The following MIA2 variants were observed in gnomAD, a reference collection of about 807,000 sequenced individuals.
The protein encoded by MIA2 is MIA SH3 domain ER export factor 2, also known as melanoma inhibitory activity protein 2.
In MIA2, 127 loss-of-function variants were observed where a neutral mutation model predicts 167.8. The observed-to-expected ratio is 0.76, with a 90% CI of 0.66 to 0.88. The LOEUF is 0.88. Ranked by LOEUF, MIA2 falls within the 40% of genes least tolerant of loss-of-function variation. The probability of loss-of-function intolerance (pLI) is 0.00; values close to 1 mark genes in which losing one functional copy is unlikely to be tolerated. For missense variants in MIA2, 1,690 were observed against 1,624.7 expected (o/e 1.04, Z -0.69); for synonymous variants, 552 against 541.9 (o/e 1.02, Z -0.26).
intron 25 of MIA2, among the ~76,000 whole-genome samples, chr14:39,336,967 T>C (rs1419102642): frequency 6.6e-6 from 1 of 152,132 alleles, no homozygotes; most frequent in Non-Finnish European, 1.5e-5. Flanking sequence ...TGTTACCCAG[T>C]CTGGTGTCAA....
intron 9 of MIA2, among the ~76,000 whole-genome samples, chr14:39,288,725 T>C (rs1436107381): frequency 6.6e-6 from 1 of 151,660 alleles, no homozygotes; most frequent in African/African-American, 2.4e-5. Context: ...CCTCCCAAAG[T>C]GCTGGGATTA....
intron 25 of MIA2, among the ~76,000 whole-genome samples, chr14:39,340,619 C>G (rs1163522150): frequency 6.6e-6 from 1 of 152,140 alleles, no homozygotes; most frequent in African/African-American, 2.4e-5. Context: ...TCATTTTGAT[C>G]TCTTTGATGA....
chr14:39,372,582 C>T (rs981139616), intron 23 of MIA2, among the ~76,000 whole-genome samples: 1 of 152,064 alleles, frequency 6.6e-6, no homozygotes, highest in Admixed American at 6.6e-5. Context: ...TTTTAAATAA[C>T]TTGAGGGTAT....
intron 23 of MIA2, chr14:39,385,341 G>T: frequency 1.2e-6 from 1 of 847,808 alleles, no homozygotes; most frequent in Non-Finnish European, 2.0e-6. Context: ...AAAAGTTCAG[G>T]TTATACTCAC....
At chr14:39,289,813 A>ATT (rs2060483256) in intron 9 of MIA2, among the ~76,000 whole-genome samples, 1 of 152,158 alleles carries the variant, frequency 6.6e-6, no homozygotes, top group Non-Finnish European at 1.5e-5. Flanking sequence ...AAAAGTTAAG[A>ATT]TAGCAGCAAG....
chr14:39,259,259 C>T (rs11621399), intron 6 of MIA2, among the ~76,000 whole-genome samples: 367 of 152,346 alleles, frequency 2.4e-3, no homozygotes, highest in Middle Eastern at 6.8e-3. Flanking sequence ...AAGCCCCTAA[C>T]TGGGGCTCTT....
intron 24 of MIA2, among the ~76,000 whole-genome samples, chr14:39,324,113 A>G (rs1166467183): frequency 6.6e-6 from 1 of 152,236 alleles, no homozygotes; most frequent in African/African-American, 2.4e-5. Context: ...AATTGTATGT[A>G]ACTGGGTTTG....
chr14:39,257,899 T>C (rs1354568044), intron 6 of MIA2, among the ~76,000 whole-genome samples: 3 of 152,350 alleles, frequency 2.0e-5, no homozygotes, highest in African/African-American at 7.2e-5. Context: ...TTTAAGAATG[T>C]TGAATATTGG....
At chr14:39,385,922 C>T (rs2075266269) in intron 23 of MIA2, 1 of 862,162 alleles carries the variant, frequency 1.2e-6, no homozygotes, top group East Asian at 2.4e-5. Context: ...CATCTTCTTC[C>T]TAAACTGGTG....
chr14:39,269,351 C>T (rs1350993965), intron 6 of MIA2, among the ~76,000 whole-genome samples: 4 of 151,818 alleles, frequency 2.6e-5, no homozygotes, highest in Admixed American at 6.6e-5. Flanking sequence ...AATTCCCACC[C>T]CTCATCCCTT....
chr14:39,330,418 A>G (rs2068572391), intron 25 of MIA2, among the ~76,000 whole-genome samples: 1 of 151,774 alleles, frequency 6.6e-6, no homozygotes, highest in Non-Finnish European at 1.5e-5. Context: ...TCAGAACACC[A>G]GCTCATGGAT....
At position 39,370,988 on chromosome 14, in the gene MIA2, CTT is replaced by C. The variant is rs2139321487; in HGVS notation, c.2249-15894_2249-15893del. 1.3e-5 allele frequency among the ~76,000 whole-genome samples: 2 copies of C among 152,270 alleles called. 1 individual carries two copies. Among genetic ancestry groups the C allele is most frequent in the South Asian group, 4.1e-4 (2 of 4,826 alleles). ...TTCCTTCAAACTTTTATTCAAGTAT[CTT>C]TTGAATTGTTGTAATTATGTGTGTC... On this transcript the variant is annotated intron_variant, in intron 23 of 23. Transcript: ENST00000341502.
intron 23 of MIA2, among the ~76,000 whole-genome samples, chr14:39,358,821 A>G (rs2074600921): frequency 6.6e-6 from 1 of 152,230 alleles, no homozygotes; most frequent in Non-Finnish European, 1.5e-5. Flanking sequence ...GGTCCACTCC[A>G]GACCCTGTTT....
intron 18 of MIA2, among the ~76,000 whole-genome samples, chr14:39,311,573 G>T (rs2064280631): frequency 6.9e-6 from 1 of 145,602 alleles, no homozygotes; most frequent in Non-Finnish European, 1.5e-5. Flanking sequence ...CGCCTCCCGG[G>T]TTCACGCCAT....
downstream of MIA2, among the ~76,000 whole-genome samples, chr14:39,354,209 C>T (rs1327585043): frequency 2.0e-5 from 3 of 152,222 alleles, no homozygotes; most frequent in African/African-American, 7.2e-5. Flanking sequence ...TGTTTCTCCA[C>T]AACCTTTCCA....
Position 39,382,645 on chromosome 14 carries a change from CAAGAT to C in MIA2, c.2249-4236_2249-4232del, listed in dbSNP as rs535219205. Among the ~76,000 whole-genome samples the C allele has an allele frequency of 1.9e-3, 289 of 152,310 alleles. 1 individual carries two copies. Among genetic ancestry groups the C allele is most frequent in the African/African-American group, 6.0e-3 (251 of 41,566 alleles). On this transcript the variant is annotated intron_variant, in intron 23 of 23. Transcript: ENST00000341502. ...GTGCTCAGTAATTCTGCGCTGTACA[CAAGAT>C]AAGGTGAACATAGAGTGGAGATATT...
At chr14:39,344,831 A>G (rs1264890429) in intron 25 of MIA2, among the ~76,000 whole-genome samples, 1 of 152,170 alleles carries the variant, frequency 6.6e-6, no homozygotes, top group Non-Finnish European at 1.5e-5. Context: ...GAAACTACCT[A>G]TACTTTTTCA....
At chr14:39,330,879 A>C (rs933947137) in intron 25 of MIA2, among the ~76,000 whole-genome samples, 2 of 152,136 alleles carry the variant, frequency 1.3e-5, no homozygotes, top group East Asian at 3.9e-4. Context: ...TTTACTTCCA[A>C]TTATGTGGTT....
At chr14:39,385,716 G>T in intron 23 of MIA2, 1 of 977,928 alleles carries the variant, frequency 1.0e-6, no homozygotes, top group South Asian at 1.3e-5. Flanking sequence ...ACAGACTATA[G>T]TCCTTCTTAC....
Sources: allele counts gnomAD v4.1 joint callset (sites outside exome capture counted in the v4.1 genomes callset), GRCh38; gene constraint gnomAD v4.1.1; transcripts MANE v1.5; gene names NCBI Gene and HGNC (gene_info 2026-07-23, HGNC 2026-07-21).